The following NRG4 variants were observed in gnomAD, a reference collection of about 807,000 sequenced individuals.
NRG4 encodes the protein pro-neuregulin-4, membrane-bound isoform.
A neutral mutation model predicts 15.0 loss-of-function variants in NRG4; 10 were observed. That is an observed-to-expected ratio of 0.67 (90% CI 0.41 to 1.13). The LOEUF (loss-of-function observed/expected upper bound fraction) is 1.13, where lower values mean the gene tolerates loss of function less well. Ranked by LOEUF, NRG4 falls within the 50% of genes most tolerant of loss-of-function variation. The pLI, the probability that NRG4 is intolerant of heterozygous loss-of-function variation, is 0.00. For missense variants in NRG4, 139 were observed against 140.2 expected, an observed-to-expected ratio of 0.99 and a Z score of 0.04; for synonymous variants, 41 against 50.1, an observed-to-expected ratio of 0.82 and a Z score of 0.77.
At chr15:75,967,456 A>AT (rs71140189) in intron 3 of NRG4, among the ~76,000 whole-genome samples, 31,790 of 100,168 alleles carry the variant, frequency 0.32, 6,248 homozygotes, top group Non-Finnish European at 0.39. Flanking sequence ...AAAATCTTAG[A>AT]TTTTTTTTTT....
chr15:75,949,819 T>C (rs1366430569), intron 5 of NRG4, among the ~76,000 whole-genome samples: 2 of 152,226 alleles, frequency 1.3e-5, no homozygotes, highest in East Asian at 3.8e-4. Context: ...CCCAGTATCA[T>C]CTGTTGGAAT....
At chr15:76,042,046 C>T (rs2035755597) in intron 4 of NRG4, among the ~76,000 whole-genome samples, 1 of 151,908 alleles carries the variant, frequency 6.6e-6, no homozygotes, top group Admixed American at 6.6e-5. Flanking sequence ...ACTATACAAA[C>T]ACATGGAAAT....
At chr15:76,043,190 T>C (rs189640468) in intron 4 of NRG4, among the ~76,000 whole-genome samples, 1 of 152,254 alleles carries the variant, frequency 6.6e-6, no homozygotes, top group East Asian at 1.9e-4. Flanking sequence ...CCATAACTAG[T>C]ATCATACTGA....
At chr15:76,041,049 T>A (rs1469845931) in intron 4 of NRG4, among the ~76,000 whole-genome samples, 1 of 152,246 alleles carries the variant, frequency 6.6e-6, no homozygotes, top group Non-Finnish European at 1.5e-5. Flanking sequence ...GTTTTCTTTT[T>A]GCTTGTTAGT....
intron 5 of NRG4, among the ~76,000 whole-genome samples, chr15:75,952,136 C>T (rs932598357): frequency 6.6e-6 from 1 of 152,096 alleles, no homozygotes; most frequent in Non-Finnish European, 1.5e-5. Context: ...AATTCAATGG[C>T]TTTTAGTATA....
At chr15:75,956,095 T>A in intron 4 of NRG4, 84 bp from the exon 5 acceptor site, 1 of 769,238 alleles carries the variant, frequency 1.3e-6, no homozygotes, top group Non-Finnish European at 2.3e-6. Context: ...AGTTTTTTTT[T>A]TTTAATTTCC....
At chr15:76,051,224 C>T (rs2036004442) in intron 4 of NRG4, among the ~76,000 whole-genome samples, 1 of 149,384 alleles carries the variant, frequency 6.7e-6, no homozygotes, top group South Asian at 2.1e-4. Flanking sequence ...CCGGGATGGT[C>T]TCGATCTCCT....
At chr15:75,938,634 A>G (rs2030617595), downstream of NRG4, 1 of 152,210 alleles carries the variant, frequency 6.6e-6, no homozygotes, top group Admixed American at 6.5e-5. Flanking sequence ...TGAAATTTTC[A>G]CTACAGGGGT....
chr15:75,989,872 T>C (rs144405413), intron 3 of NRG4, among the ~76,000 whole-genome samples: 1 of 152,314 alleles, frequency 6.6e-6, no homozygotes, highest in East Asian at 1.9e-4. Context: ...GTTGTCTTTG[T>C]TTAAAGAGCA....
chr15:75,971,561 T>C (rs2033092309), intron 3 of NRG4, among the ~76,000 whole-genome samples: 1 of 152,174 alleles, frequency 6.6e-6, no homozygotes, highest in South Asian at 2.1e-4. Context: ...TTCCCTCTCA[T>C]TATGTGAGAT....
chr15:75,994,620 C>G (rs2034142376), intron 3 of NRG4, among the ~76,000 whole-genome samples: 1 of 152,168 alleles, frequency 6.6e-6, no homozygotes, highest in Non-Finnish European at 1.5e-5. Context: ...CAGCTGTACA[C>G]AAAGCAAGTT....
chr15:75,946,514 C>T (rs368430266), intron 5 of NRG4, among the ~76,000 whole-genome samples: 6 of 152,254 alleles, frequency 3.9e-5, no homozygotes, highest in African/African-American at 7.2e-5. Flanking sequence ...CCCGCCACCA[C>T]GCCTGGCTAA....
chr15:75,983,196 T>C, intron 3 of NRG4, among the ~76,000 whole-genome samples: 1 of 152,122 alleles, frequency 6.6e-6, no homozygotes, highest in East Asian at 1.9e-4. Context: ...AAGCCGCTAA[T>C]ATAACTATCC....
rs190605118 is a variant in NRG4, at chr15:76,018,242, G to A, written c.-56-6956C>T. Among the ~76,000 whole-genome samples, 9 of 151,920 alleles carry A rather than the reference G, an allele frequency of 5.9e-5. No homozygotes were observed. In the East Asian group the frequency reaches 1.5e-3, roughly 26 times the overall value. ...GTAATTCCTCTAACCTTTTTTCATG[G>A]TTCTTAGCTTCCTTGCATTGAGTTA... On this transcript the variant is annotated intron_variant, in intron 5 of 8. Coordinates refer to the NRG4 transcript ENST00000563910.
intron 4 of NRG4, among the ~76,000 whole-genome samples, chr15:76,047,557 G>A (rs1019461777): frequency 1.3e-5 from 2 of 150,276 alleles, no homozygotes; most frequent in African/African-American, 5.0e-5. Flanking sequence ...ATATATAGAA[G>A]CTAAAAAAAA....
chr15:76,003,692 T>C (rs2141895977), intron 3 of NRG4, among the ~76,000 whole-genome samples: 1 of 152,226 alleles, frequency 6.6e-6, no homozygotes, highest in Non-Finnish European at 1.5e-5. Context: ...GCAAGAAAAG[T>C]GACTCCTCAC....
At position 76,031,181 on chromosome 15, in the gene NRG4, GA is replaced by G. The variant is rs143434757; in HGVS notation, c.-57+4762del. On this transcript the variant is annotated intron_variant, in intron 5 of 8. Transcript: ENST00000563910. ...AAAACTTCAATATCCATTCATGAGGGAAAAAAAATCTCCACAAACTAGGGGA... is the reference window on the plus strand; with the variant it reads ...AAAACTTCAATATCCATTCATGAGGGAAAAAAATCTCCACAAACTAGGGGA... Among the ~76,000 whole-genome samples, 18 of 151,912 alleles carry G rather than the reference GA, an allele frequency of 1.2e-4. 1 individual carries two copies. The East Asian group carries it at 3.1e-3, about 26-fold the overall frequency.
At chr15:76,037,179 C>T (rs944096902) in intron 4 of NRG4, among the ~76,000 whole-genome samples, 1 of 152,070 alleles carries the variant, frequency 6.6e-6, no homozygotes, top group Non-Finnish European at 1.5e-5. Flanking sequence ...ATCATCCCCC[C>T]TGCAGGAACA....
In NRG4 at chr15:75,954,265, G is replaced by T. The variant is rs1036405937; in HGVS notation, c.331+1667C>A. ...AATACCATCCAGTTTTTGTTTTTTT[G>T]TTTTTTTTTTTTTGATCTCAGACAC... On this transcript the variant is annotated intron_variant, in intron 5 of 5. Transcript: ENST00000394907. Among the ~76,000 whole-genome samples the T allele has an allele frequency of 1.1e-3, 150 of 135,972 alleles. 1 individual carries two copies. The highest frequency in any genetic ancestry group is 1.7e-3 in the Non-Finnish European group (105 of 62,720). The allele number at this position is 135,972 out of a possible 152,430, so 89.2% of individuals were successfully genotyped here.
Sources: gnomAD v4.1 joint callset for allele counts (sites outside exome capture counted in the v4.1 genomes callset) on GRCh38, gnomAD v4.1.1 for gene constraint, MANE v1.5 for transcripts, NCBI Gene and HGNC (gene_info 2026-07-23, HGNC 2026-07-21) for gene names.